Variants in AKAP6 observed in about 807,000 individuals in gnomAD.
AKAP6 encodes the protein A-kinase anchoring protein 6, also known as A-kinase anchor protein 6.
AKAP6 carries 58 observed loss-of-function variants against 188.5 expected under a neutral mutation model. That is an observed-to-expected ratio of 0.31 (90% CI 0.25 to 0.38). The LOEUF (loss-of-function observed/expected upper bound fraction) is 0.38, where lower values mean the gene tolerates loss of function less well. Among genes scored for constraint, AKAP6 ranks in the 10% least tolerant of loss-of-function variants. AKAP6 has a pLI of 1.00. For missense variants in AKAP6, 2,710 were observed against 2,740.0 expected, an observed-to-expected ratio of 0.99 and a Z score of 0.24; for synonymous variants, 989 against 998.6, an observed-to-expected ratio of 0.99 and a Z score of 0.18.
intron 10 of AKAP6, 90 bp from the exon 11 acceptor site, chr14:32,735,567 TA>T (rs2031374639): frequency 5.1e-6 from 5 of 982,036 alleles, no homozygotes; most frequent in Non-Finnish European, 7.4e-6. Context: ...TTTTGGTACC[TA>T]AGTTAATCTA....
intron 5 of AKAP6, among the ~76,000 whole-genome samples, chr14:32,579,955 AT>A (rs1394438933): frequency 6.6e-6 from 1 of 152,118 alleles, no homozygotes; most frequent in African/African-American, 2.4e-5. Context: ...TATATTTGAC[AT>A]TAAATCAACA....
chr14:32,795,924 A>G (rs547568180), intron 12 of AKAP6, among the ~76,000 whole-genome samples: 3 of 152,282 alleles, frequency 2.0e-5, no homozygotes, highest in African/African-American at 7.2e-5. Flanking sequence ...CTGATAAGCA[A>G]TTTCAGCAGT....
At chr14:32,756,522 T>C (rs970001591) in intron 11 of AKAP6, among the ~76,000 whole-genome samples, 1 of 151,228 alleles carries the variant, frequency 6.6e-6, no homozygotes, top group Non-Finnish European at 1.5e-5. Flanking sequence ...CCATGAGGCG[T>C]TGGTCTGGAA....
intron 9 of AKAP6, among the ~76,000 whole-genome samples, chr14:32,701,744 G>C (rs1283503859): frequency 6.6e-6 from 1 of 151,972 alleles, no homozygotes; most frequent in Non-Finnish European, 1.5e-5. Context: ...CAGCTTTCTG[G>C]AATAGCTCTC....
intron 2 of AKAP6, among the ~76,000 whole-genome samples, chr14:32,459,712 A>G: frequency 6.6e-6 from 1 of 150,858 alleles, no homozygotes; most frequent in South Asian, 2.1e-4. Context: ...AAAAAAGAAT[A>G]TCAAATTGTC....
In AKAP6 at chr14:32,662,515, T is replaced by C. The variant is rs376254101; in HGVS notation, c.2731-15796T>C. 6.4e-4 allele frequency among the ~76,000 whole-genome samples: 98 copies of C among 152,228 alleles called. 2 individuals are homozygous for C. The South Asian group carries it at 0.02, about 30-fold the overall frequency. ...TGTCTGATTGTCTCCTCGTGGTGTGTCTCTTAACTTTTTCCTCTATTCACT... is the reference window on the plus strand; with the variant it reads ...TGTCTGATTGTCTCCTCGTGGTGTGCCTCTTAACTTTTTCCTCTATTCACT... On this transcript the variant is annotated intron_variant, in intron 7 of 13. Coordinates refer to ENST00000280979, the MANE Select transcript of AKAP6 (RefSeq NM_004274.5).
intron 1 of AKAP6, among the ~76,000 whole-genome samples, chr14:32,392,155 A>C (rs1888736744): frequency 6.6e-6 from 1 of 152,230 alleles, no homozygotes; most frequent in African/African-American, 2.4e-5. Context: ...TAACTTTGGA[A>C]AACAGTTTTT....
At chr14:32,370,801 G>C (rs1566469169) in intron 1 of AKAP6, among the ~76,000 whole-genome samples, 1 of 152,158 alleles carries the variant, frequency 6.6e-6, no homozygotes, top group African/African-American at 2.4e-5. Flanking sequence ...AGTTTTGCTG[G>C]CATGAAAAGA....
chr14:32,659,885 G>A (rs1364696320), intron 7 of AKAP6, among the ~76,000 whole-genome samples: 1 of 152,022 alleles, frequency 6.6e-6, no homozygotes, highest in African/African-American at 2.4e-5. Flanking sequence ...TCTTCATTCA[G>A]CTGTAGAGAA....
intron 1 of AKAP6, among the ~76,000 whole-genome samples, chr14:32,349,370 G>A (rs917971443): frequency 1.3e-5 from 2 of 152,134 alleles, no homozygotes; most frequent in South Asian, 2.1e-4. Flanking sequence ...TGATTTCATT[G>A]TTCTGCATAG....
intron 9 of AKAP6, among the ~76,000 whole-genome samples, chr14:32,730,775 A>AT (rs1396817636): frequency 6.6e-6 from 1 of 152,152 alleles, no homozygotes; most frequent in East Asian, 1.9e-4. Context: ...CAGCTATATC[A>AT]TTTTAGATGG....
intron 4 of AKAP6, among the ~76,000 whole-genome samples, chr14:32,553,378 T>A (rs1231294631): frequency 1.3e-5 from 2 of 152,084 alleles, no homozygotes; most frequent in Non-Finnish European, 2.9e-5. Flanking sequence ...TTCATCACGT[T>A]GGCCAGACTG....
At chr14:32,499,119 T>C (rs1326290610) in intron 2 of AKAP6, among the ~76,000 whole-genome samples, 2 of 151,924 alleles carry the variant, frequency 1.3e-5, no homozygotes, top group Non-Finnish European at 2.9e-5. Flanking sequence ...TAGGAAAAAA[T>C]TGGAGCTGTT....
chr14:32,535,215 G>A (rs533352430), intron 2 of AKAP6, among the ~76,000 whole-genome samples: 4 of 152,144 alleles, frequency 2.6e-5, no homozygotes, highest in Admixed American at 6.5e-5. Context: ...ACAGCCACTG[G>A]TTCCCTTCCA....
intron 12 of AKAP6, among the ~76,000 whole-genome samples, chr14:32,816,811 T>C (rs2034390209): frequency 6.6e-6 from 1 of 152,166 alleles, no homozygotes; most frequent in Non-Finnish European, 1.5e-5. Context: ...TATATGTTAT[T>C]GTTGTGTTCT....
Position 32,823,561 on chromosome 14 carries a change from A to T in AKAP6, c.5748A>T (p.Val1916=), listed in dbSNP as rs764429833. The T allele has an allele frequency of 1.2e-6, 2 of 1,613,956 alleles. No individual in the cohort carries two copies. The highest frequency in any genetic ancestry group is 1.7e-6 in the Non-Finnish European group (2 of 1,179,904). ...QKGKPNVTSK[V]SENLGSHGKE... is the part of the protein sequence containing the mutation. ...GAAAACCGAATGTGACTTCAAAGGT[A>T]TCAGAAAATCTTGGTTCACATGGGA... Residue 1916 remains valine (V), a synonymous_variant, in exon 13 of 14, where the codon GTA becomes GTT. Transcript: ENST00000280979.
chr14:32,545,758 C>A lies in AKAP6; in HGVS notation c.1105C>A (p.Pro369Thr), dbSNP rs1320760684. Residue 369 changes from proline (P) to threonine (T), a missense_variant, in exon 4 of 14, where the codon CCC becomes ACC. Around this residue, in one of 2 missense-constraint regions of AKAP6, gnomAD observed 2,473 missense variants for 2,426.1 expected, o/e 1.02. Transcript: ENST00000280979. Reference sequence around the variant, plus strand: ...GCCTGTTCCTTGTGAAAATGCAACCCCCAAACGAACCATCAGAGATTGCTT... The same window carrying A: ...GCCTGTTCCTTGTGAAAATGCAACCACCAAACGAACCATCAGAGATTGCTT... ...QQPVPCENAT[P>T]KRTIRDCFNY... 6.2e-7 allele frequency: 1 copy of A among 1,614,068 alleles called. No individual in the cohort carries two copies. Among genetic ancestry groups the A allele is most frequent in the Non-Finnish European group, 8.5e-7 (1 of 1,180,040 alleles).
chr14:32,586,966 C>T (rs774391865), intron 5 of AKAP6, among the ~76,000 whole-genome samples: 1 of 152,132 alleles, frequency 6.6e-6, no homozygotes, highest in Non-Finnish European at 1.5e-5. Context: ...CCAAACTGTC[C>T]TTGATAGAGA....
At chr14:32,490,520 T>C (rs1879955429) in intron 2 of AKAP6, among the ~76,000 whole-genome samples, 1 of 152,192 alleles carries the variant, frequency 6.6e-6, no homozygotes, top group East Asian at 1.9e-4. Flanking sequence ...CGAGGACTGG[T>C]CTACTTCTAG....
Sources: gnomAD v4.1 joint callset for allele counts (sites outside exome capture counted in the v4.1 genomes callset) on GRCh38, gnomAD v4.1.1 for gene constraint, gnomAD v4.1.1 regional missense constraint, MANE v1.5 for transcripts, NCBI Gene and HGNC (gene_info 2026-07-23, HGNC 2026-07-21) for gene names.